Variants in RBFOX1 observed in about 807,000 individuals in gnomAD.
RBFOX1 encodes the protein RNA binding fox-1 homolog 1.
In RBFOX1, 8 loss-of-function variants were observed where a neutral mutation model predicts 57.7. The observed-to-expected ratio is 0.14, with a 90% confidence interval of 0.08 to 0.25. The LOEUF is 0.25. Among genes scored for constraint, RBFOX1 ranks in the 10% least tolerant of loss-of-function variants. The pLI, the probability that RBFOX1 is intolerant of heterozygous loss-of-function variation, is 1.00. For synonymous variants in RBFOX1, 326 were observed against 222.4 expected, an observed-to-expected ratio of 1.47 and a Z score of -4.15; for missense variants, 611 against 548.5, an observed-to-expected ratio of 1.11 and a Z score of -1.14.
intron 2 of RBFOX1, among the ~76,000 whole-genome samples, chr16:6,517,497 G>A (rs2096403658): frequency 6.6e-6 from 1 of 152,014 alleles, no homozygotes; most frequent in South Asian, 2.1e-4. Context: ...CTCCCAGCTG[G>A]CTTCTCTTTG....
chr16:6,774,592 A>C (rs1203287022), intron 3 of RBFOX1, among the ~76,000 whole-genome samples: 1 of 152,238 alleles, frequency 6.6e-6, no homozygotes, highest in African/African-American at 2.4e-5. Context: ...CAAACAATCT[A>C]CATGTCAGCT....
intron 4 of RBFOX1, among the ~76,000 whole-genome samples, chr16:7,376,549 A>G (rs993159035): frequency 6.6e-6 from 1 of 152,166 alleles, no homozygotes; most frequent in African/African-American, 2.4e-5. Flanking sequence ...CAGATTTTCC[A>G]ACCTCCGAGT....
chr16:7,026,999 T>C (rs1050192496), intron 3 of RBFOX1, among the ~76,000 whole-genome samples: 2 of 152,136 alleles, frequency 1.3e-5, no homozygotes, highest in African/African-American at 4.8e-5. Context: ...CCCTAAGGTT[T>C]AGCTGTGCTG....
chr16:7,092,285 C>T (rs887044365), intron 4 of RBFOX1, among the ~76,000 whole-genome samples: 32 of 152,098 alleles, frequency 2.1e-4, no homozygotes, highest in Non-Finnish European at 3.5e-4. Flanking sequence ...GAAATGCTAT[C>T]GCATTAAAAG....
chr16:7,472,462 A>G (rs769190774), intron 4 of RBFOX1, among the ~76,000 whole-genome samples: 1 of 152,292 alleles, frequency 6.6e-6, no homozygotes, highest in East Asian at 1.9e-4. Flanking sequence ...TAAGTCTGAA[A>G]CCAGTGTTAT....
At chr16:5,366,282 G>C in intron 1 of RBFOX1, 1 of 381,976 alleles carries the variant, frequency 2.6e-6, no homozygotes, top group Non-Finnish European at 5.1e-6. Flanking sequence ...TGAAGATGAT[G>C]CTGGTCATGA....
At chr16:7,011,122 G>C (rs1183938821) in intron 3 of RBFOX1, among the ~76,000 whole-genome samples, 1 of 151,700 alleles carries the variant, frequency 6.6e-6, no homozygotes, top group Admixed American at 6.6e-5. Flanking sequence ...GAGGCCATCA[G>C]GCTGTGTCTT....
intron 4 of RBFOX1, among the ~76,000 whole-genome samples, chr16:7,339,222 G>C (rs755061118): frequency 6.6e-5 from 10 of 152,134 alleles, no homozygotes; most frequent in Non-Finnish European, 1.2e-4. Flanking sequence ...GTCACTGTGA[G>C]TTTTCAGTGT....
intron 2 of RBFOX1, among the ~76,000 whole-genome samples, chr16:6,546,750 G>A (rs2096901810): frequency 6.6e-6 from 1 of 152,110 alleles, no homozygotes; most frequent in Non-Finnish European, 1.5e-5. Flanking sequence ...CTTTTTGAGG[G>A]GACATGATTT....
At chr16:6,025,912 G>C (rs1283726212) in intron 1 of RBFOX1, among the ~76,000 whole-genome samples, 1 of 152,162 alleles carries the variant, frequency 6.6e-6, no homozygotes, top group Admixed American at 6.5e-5. Context: ...ATGAACATCA[G>C]AATAAGTGTA....
Position 6,679,878 on chromosome 16 carries a change from G to GTTT in RBFOX1, c.-16+25253_-16+25255dup, listed in dbSNP as rs71145274. On this transcript the variant is annotated intron_variant, in intron 3 of 15. Coordinates refer to ENST00000550418, the MANE Select transcript of RBFOX1 (RefSeq NM_018723.4). ...CTACATAAAGCCATAGTTTCTACTT[G>GTTT]TTTTTTTTTTTTTTTTTTTTTTTTT... is the stretch of plus-strand genomic sequence containing the variant. Among the ~76,000 whole-genome samples the GTTT allele has an allele frequency of 3.1e-4, 36 of 114,304 alleles. 3 individuals carry two copies. The highest frequency in any genetic ancestry group is 1.0e-3 in the African/African-American group (26 of 25,732). The allele number at this position is 114,304 out of a possible 152,430, so 75.0% of individuals were successfully genotyped here.
chr16:6,009,938 A>G (rs191235288), intron 4 of RBFOX1, among the ~76,000 whole-genome samples: 3 of 152,248 alleles, frequency 2.0e-5, no homozygotes, highest in Non-Finnish European at 4.4e-5. Context: ...AGCATTACAG[A>G]TGAGTCTTAC....
intron 1 of RBFOX1, among the ~76,000 whole-genome samples, chr16:6,154,167 C>T (rs181768572): frequency 1.3e-5 from 2 of 152,302 alleles, no homozygotes; most frequent in Admixed American, 1.3e-4. Context: ...TCATGCAAGC[C>T]AGTTATCTCT....
intron 3 of RBFOX1, among the ~76,000 whole-genome samples, chr16:5,827,108 C>G (rs1329613103): frequency 2.0e-5 from 3 of 152,100 alleles, no homozygotes; most frequent in Non-Finnish European, 4.4e-5. Context: ...TCCTTTAAAG[C>G]TACATTGAAC....
At chr16:7,122,619 T>C (rs1320720844) in intron 4 of RBFOX1, among the ~76,000 whole-genome samples, 2 of 152,136 alleles carry the variant, frequency 1.3e-5, no homozygotes, top group Non-Finnish European at 2.9e-5. Context: ...GTACTGCTGG[T>C]AGGAACATAG....
chr16:7,240,242 C>G (rs1046149367), intron 4 of RBFOX1, among the ~76,000 whole-genome samples: 1 of 152,126 alleles, frequency 6.6e-6, no homozygotes, highest in African/African-American at 2.4e-5. Flanking sequence ...GCTGGGATTA[C>G]AGGTATGAGC....
intron 4 of RBFOX1, among the ~76,000 whole-genome samples, chr16:7,153,946 G>A (rs1026060547): frequency 3.9e-5 from 6 of 152,044 alleles, no homozygotes; most frequent in South Asian, 2.1e-4. Flanking sequence ...TTTAAATGAC[G>A]AGAATGGAGA....
chr16:5,271,692 C>G (rs930030389), intron 1 of RBFOX1, among the ~76,000 whole-genome samples: 2 of 152,202 alleles, frequency 1.3e-5, no homozygotes, highest in African/African-American at 4.8e-5. Context: ...TTAACTTGTT[C>G]AAAACTTATT....
chr16:6,220,366 C>A (rs753829973), intron 1 of RBFOX1, among the ~76,000 whole-genome samples: 1 of 152,124 alleles, frequency 6.6e-6, no homozygotes, highest in Non-Finnish European at 1.5e-5. Flanking sequence ...TTTAAGACTC[C>A]TTTAACACAA....
Sources: gnomAD v4.1 joint callset for allele counts (sites outside exome capture counted in the v4.1 genomes callset) on GRCh38, gnomAD v4.1.1 for gene constraint, MANE v1.5 for transcripts, NCBI Gene and HGNC (gene_info 2026-07-23, HGNC 2026-07-21) for gene names.